Variants in ZNF407 observed in about 807,000 individuals in gnomAD.
ZNF407 encodes zinc finger protein 407.
In ZNF407, 17 loss-of-function variants were observed where a neutral mutation model predicts 131.2. That is an observed-to-expected ratio of 0.13 (90% CI 0.09 to 0.19). ZNF407 has a LOEUF of 0.19. Among genes scored for constraint, ZNF407 ranks in the 10% least tolerant of loss-of-function variants. The pLI, the probability that ZNF407 is intolerant of heterozygous loss-of-function variation, is 1.00. For missense variants in ZNF407, 2,681 were observed against 2,830.6 expected (o/e 0.95, Z 1.20); for synonymous variants, 1,156 against 1,062.0 (o/e 1.09, Z -1.72).
At chr18:75,032,255 T>A (rs1218299356) in intron 8 of ZNF407, among the ~76,000 whole-genome samples, 1 of 152,214 alleles carries the variant, frequency 6.6e-6, no homozygotes, top group East Asian at 1.9e-4. Flanking sequence ...TTCCGATGTG[T>A]TGACTTGCTT....
intron 3 of ZNF407, among the ~76,000 whole-genome samples, chr18:74,779,598 A>T (rs1301579745): frequency 6.6e-6 from 1 of 152,166 alleles, no homozygotes; most frequent in Non-Finnish European, 1.5e-5. Context: ...ATGATAATAA[A>T]AATTATTATT....
chr18:74,677,911 C>A (rs1966891225), intron 3 of ZNF407, among the ~76,000 whole-genome samples: 1 of 152,148 alleles, frequency 6.6e-6, no homozygotes, highest in South Asian at 2.1e-4. Context: ...ACCTCTGCCT[C>A]TTGGGTTCAA....
At chr18:74,935,871 G>A (rs1972033846) in intron 8 of ZNF407, among the ~76,000 whole-genome samples, 1 of 152,110 alleles carries the variant, frequency 6.6e-6, no homozygotes. Context: ...TAATACTTTA[G>A]GTTTCTGTTT....
At chr18:74,655,934 T>C (rs2144720133) in intron 3 of ZNF407, among the ~76,000 whole-genome samples, 1 of 152,298 alleles carries the variant, frequency 6.6e-6, no homozygotes, top group East Asian at 1.9e-4. Context: ...AACTGCTTAT[T>C]CTATTATTAA....
chr18:75,029,940 G>A (rs532599825), intron 8 of ZNF407, among the ~76,000 whole-genome samples: 1 of 152,328 alleles, frequency 6.6e-6, no homozygotes, highest in South Asian at 2.1e-4. Flanking sequence ...CGTGTGTGAT[G>A]ACCAATCATG....
intron 3 of ZNF407, among the ~76,000 whole-genome samples, chr18:74,655,551 C>G (rs1403245474): frequency 6.6e-6 from 1 of 152,038 alleles, no homozygotes. Flanking sequence ...ATAAATATAA[C>G]TGTATGATGT....
chr18:74,960,872 T>G (rs1437436263), intron 8 of ZNF407, among the ~76,000 whole-genome samples: 9 of 125,824 alleles, frequency 7.2e-5, no homozygotes, highest in East Asian at 2.4e-4. Context: ...CCTGAGTCAG[T>G]GCTGGGTGGA....
chr18:74,695,180 A>T (rs1291011914), intron 3 of ZNF407, among the ~76,000 whole-genome samples: 1 of 152,118 alleles, frequency 6.6e-6, no homozygotes, highest in Non-Finnish European at 1.5e-5. Flanking sequence ...GCTTATAAGG[A>T]TTGCTCTTGG....
At chr18:74,717,387 T>A (rs1381197544) in intron 3 of ZNF407, among the ~76,000 whole-genome samples, 1 of 152,190 alleles carries the variant, frequency 6.6e-6, no homozygotes, top group African/African-American at 2.4e-5. Flanking sequence ...ATCCTGTGAT[T>A]CTGTGGAGAG....
intron 8 of ZNF407, among the ~76,000 whole-genome samples, chr18:74,971,797 A>G (rs1426607547): frequency 6.6e-6 from 1 of 152,100 alleles, no homozygotes; most frequent in Non-Finnish European, 1.5e-5. Context: ...TTTCAGCAAC[A>G]CCCCACTCTA....
intron 8 of ZNF407, among the ~76,000 whole-genome samples, chr18:75,039,037 A>T (rs1214540071): frequency 6.6e-6 from 1 of 152,184 alleles, no homozygotes; most frequent in Non-Finnish European, 1.5e-5. Flanking sequence ...CTTGTGATGT[A>T]CTCTAGTGCT....
At chr18:74,784,415 A>G (rs1969665737) in intron 4 of ZNF407, among the ~76,000 whole-genome samples, 1 of 152,244 alleles carries the variant, frequency 6.6e-6, no homozygotes, top group South Asian at 2.1e-4. Context: ...AAATAAATCC[A>G]TATACTTGTA....
chr18:74,795,847 A>T (rs1048662995), intron 4 of ZNF407, among the ~76,000 whole-genome samples: 1 of 152,260 alleles, frequency 6.6e-6, no homozygotes, highest in African/African-American at 2.4e-5. Context: ...ATCCAGTACC[A>T]GTGTAATAAA....
chr18:75,056,219 C>T (rs764846261), intron 8 of ZNF407, among the ~76,000 whole-genome samples: 5 of 152,190 alleles, frequency 3.3e-5, no homozygotes, highest in Non-Finnish European at 7.3e-5. Flanking sequence ...CCATGTTTAA[C>T]ATGCATGTCA....
intron 3 of ZNF407, among the ~76,000 whole-genome samples, chr18:74,741,503 A>G (rs963214653): frequency 6.6e-6 from 1 of 152,150 alleles, no homozygotes. Flanking sequence ...CTAGAATCTA[A>G]ATGATTTATA....
chr18:74,724,005 A>G (rs1968099676), intron 3 of ZNF407, among the ~76,000 whole-genome samples: 1 of 152,106 alleles, frequency 6.6e-6, no homozygotes, highest in South Asian at 2.1e-4. Flanking sequence ...AGTCTCTAGT[A>G]TATTTATTAA....
At chr18:74,819,874 C>A (rs938508239) in intron 4 of ZNF407, among the ~76,000 whole-genome samples, 1 of 152,174 alleles carries the variant, frequency 6.6e-6, no homozygotes, top group Non-Finnish European at 1.5e-5. Flanking sequence ...GATGGCCCTC[C>A]CCAGTGAGAT....
intron 4 of ZNF407, among the ~76,000 whole-genome samples, chr18:74,853,844 A>G (rs370966290): frequency 5.3e-5 from 8 of 152,272 alleles, no homozygotes; most frequent in African/African-American, 1.9e-4. Context: ...GGTGTGCACA[A>G]CGGTAGTGCT....
intron 3 of ZNF407, among the ~76,000 whole-genome samples, chr18:74,681,904 T>C (rs1369337115): frequency 6.6e-6 from 1 of 152,134 alleles, no homozygotes; most frequent in African/African-American, 2.4e-5. Flanking sequence ...TCACAAACAT[T>C]CAAAAGGGAG....
Sources: gnomAD v4.1 joint callset for allele counts (sites outside exome capture counted in the v4.1 genomes callset) on GRCh38, gnomAD v4.1.1 for gene constraint, MANE v1.5 for transcripts, NCBI Gene and HGNC (gene_info 2026-07-23, HGNC 2026-07-21) for gene names.